VSTM2B: variants seen among roughly 807,000 people sequenced by gnomAD.
VSTM2B encodes V-set and transmembrane domain containing 2B, also known as V-set and transmembrane domain-containing protein 2B.
In VSTM2B, 24 loss-of-function variants were observed where a neutral mutation model predicts 24.0. The ratio of observed to expected loss-of-function variants is 1.00; its 90% CI spans 0.72 to 1.40. The LOEUF (loss-of-function observed/expected upper bound fraction) is 1.40, where lower values mean the gene tolerates loss of function less well. VSTM2B is among the 40% of genes most tolerant of loss of function. VSTM2B has a pLI of 0.00. For synonymous variants in VSTM2B, 226 were observed against 194.4 expected (o/e 1.16, Z -1.35); for missense variants, 399 against 416.4 (o/e 0.96, Z 0.36).
chr19:29,536,193 A>G (rs1261915380), intron 4 of VSTM2B, among the ~76,000 whole-genome samples: 1 of 152,190 alleles, frequency 6.6e-6, no homozygotes, highest in Admixed American at 6.5e-5. Flanking sequence ...GGAACCAGAG[A>G]TGGCAGTGTG....
At chr19:29,545,920 G>C (rs1209808099) in intron 4 of VSTM2B, among the ~76,000 whole-genome samples, 3 of 152,224 alleles carry the variant, frequency 2.0e-5, no homozygotes. Context: ...CCACGTTAGA[G>C]TGCTGGGCTA....
At chr19:29,556,696 T>C (rs769962899) in intron 4 of VSTM2B, among the ~76,000 whole-genome samples, 7 of 152,186 alleles carry the variant, frequency 4.6e-5, no homozygotes, top group East Asian at 1.9e-4. Context: ...TACAAAATCA[T>C]TGTGCAAAAA....
At chr19:29,528,552 G>A in intron 3 of VSTM2B, 90 bp downstream of exon 3, 1 of 1,475,986 alleles carries the variant, frequency 6.8e-7, no homozygotes, top group Non-Finnish European at 9.2e-7. Flanking sequence ...CGCGGCGGCC[G>A]CGCATGTGGG....
chr19:29,534,891 C>T (rs1476655924), intron 4 of VSTM2B, among the ~76,000 whole-genome samples: 4 of 152,186 alleles, frequency 2.6e-5, no homozygotes, highest in South Asian at 2.1e-4. Flanking sequence ...AAGTGAGCCA[C>T]TTTGGTAATG....
intron 2 of VSTM2B, among the ~76,000 whole-genome samples, chr19:29,527,776 C>A (rs752516615): frequency 6.6e-6 from 1 of 152,104 alleles, no homozygotes; most frequent in Non-Finnish European, 1.5e-5. Context: ...GACCCCAGGG[C>A]TCCCACGGCT....
chr19:29,526,951 AG>A lies in VSTM2B; in HGVS notation c.83-256del. On this transcript the variant is annotated intron_variant, in intron 1 of 4. Coordinates refer to ENST00000335523, the MANE Select transcript of VSTM2B (RefSeq NM_001146339.2). The surrounding 1 kb of genome is among the most constrained non-coding windows in gnomAD (Gnocchi z 4.1). ...CCAGCCAGGCTCTGGCGGTGCGGCC[AG>A]GGGCGGGGGAGAAGCACGAGTCGCC... is the stretch of plus-strand genomic sequence containing the variant. 1 of 391,066 alleles carries A rather than the reference AG, an allele frequency of 2.6e-6. No homozygotes were observed. Among genetic ancestry groups the A allele is most frequent in the East Asian group, 4.8e-5 (1 of 20,972 alleles). The allele number at this position is 391,066 out of a possible 1,614,324, so 24.2% of individuals were successfully genotyped here.
chr19:29,547,746 G>A (rs911884687), intron 4 of VSTM2B, among the ~76,000 whole-genome samples: 12 of 152,168 alleles, frequency 7.9e-5, no homozygotes, highest in African/African-American at 2.9e-4. Flanking sequence ...CTCTGTGTTT[G>A]GGTGCTCAGG....
At chr19:29,539,912 T>C (rs891661271) in intron 4 of VSTM2B, among the ~76,000 whole-genome samples, 2 of 152,234 alleles carry the variant, frequency 1.3e-5, no homozygotes, top group Admixed American at 6.5e-5. Context: ...TGCAGACTCC[T>C]GCTGGAGGCC....
At chr19:29,562,115 C>T (rs1019426048) in intron 4 of VSTM2B, among the ~76,000 whole-genome samples, 1 of 152,198 alleles carries the variant, frequency 6.6e-6, no homozygotes, top group Non-Finnish European at 1.5e-5. Context: ...ACTTTGCATT[C>T]GGATGTTTGA....
At chr19:29,544,458 G>A (rs1002152118) in intron 4 of VSTM2B, among the ~76,000 whole-genome samples, 5 of 147,236 alleles carry the variant, frequency 3.4e-5, no homozygotes, top group Admixed American at 2.1e-4. Flanking sequence ...CCCGGGAGGC[G>A]GAGCTTGCAG....
chr19:29,533,871 C>G (rs888101902), intron 4 of VSTM2B, among the ~76,000 whole-genome samples: 4 of 152,262 alleles, frequency 2.6e-5, no homozygotes, highest in African/African-American at 9.6e-5. Context: ...TGCTCGGAAC[C>G]ACAGCAGCCT....
chr19:29,553,972 A>C (rs543345412), intron 4 of VSTM2B, among the ~76,000 whole-genome samples: 21 of 152,224 alleles, frequency 1.4e-4, no homozygotes, highest in Non-Finnish European at 2.9e-4. Context: ...AGAGGTGGGG[A>C]GAACAGAACC....
rs939269411 is a variant in VSTM2B at position 29,526,970 on chromosome 19, G to A, written c.83-241G>A. The A allele has an allele frequency of 8.8e-6, 4 of 452,952 alleles. No homozygotes were observed. Among genetic ancestry groups the A allele is most frequent in the Non-Finnish European group, 1.2e-5 (3 of 260,208 alleles). The allele number at this position is 452,952 out of a possible 1,614,324, so 28.1% of individuals were successfully genotyped here. A position where few individuals can be genotyped will look rare whatever the true frequency, so the allele number is the denominator to read the frequency against. ...GCGGCCAGGGGCGGGGGAGAAGCACGAGTCGCCCCTGCCGCCCCGCCCCAT... is the reference window on the plus strand; with the variant it reads ...GCGGCCAGGGGCGGGGGAGAAGCACAAGTCGCCCCTGCCGCCCCGCCCCAT... On this transcript the variant is annotated intron_variant, in intron 1 of 4. Transcript: ENST00000335523. The surrounding 1 kb of genome is among the most constrained non-coding windows in gnomAD (Gnocchi z 4.1).
chr19:29,552,581 T>C (rs1161449373), intron 4 of VSTM2B, among the ~76,000 whole-genome samples: 6 of 152,192 alleles, frequency 3.9e-5, no homozygotes, highest in African/African-American at 1.2e-4. Flanking sequence ...TCAGGGGATC[T>C]CCCTCATGAG....
intron 4 of VSTM2B, among the ~76,000 whole-genome samples, chr19:29,541,367 G>A (rs1292768057): frequency 6.6e-6 from 1 of 152,168 alleles, no homozygotes; most frequent in Non-Finnish European, 1.5e-5. Context: ...ATGGGTTGAT[G>A]GATGTCTGAA....
At chr19:29,551,177 G>A (rs1295396536) in intron 4 of VSTM2B, among the ~76,000 whole-genome samples, 3 of 152,190 alleles carry the variant, frequency 2.0e-5, no homozygotes, top group Admixed American at 6.5e-5. Flanking sequence ...CCACAGCATA[G>A]AAACAGATAC....
chr19:29,533,855 C>A (rs185499172), intron 4 of VSTM2B, among the ~76,000 whole-genome samples: 217 of 152,368 alleles, frequency 1.4e-3, no homozygotes, highest in Middle Eastern at 6.8e-3. Context: ...AGCAAGCCAG[C>A]TGCTTTGCTC....
rs557741525 is a variant in VSTM2B at position 29,563,982 on chromosome 19, G to A, written c.*48G>A. On this transcript the variant is annotated 3_prime_UTR_variant, in exon 5 of 5. Coordinates refer to ENST00000335523, the MANE Select transcript of VSTM2B (RefSeq NM_001146339.2). ...CTCAGAGGCCGCACATGACCTGCCC[G>A]GGGCCCTCGGTGAGGACCATGTCGC... 1.5e-5 allele frequency: 23 copies of A among 1,488,026 alleles called. No individual in the cohort carries two copies. The highest frequency in any genetic ancestry group is 7.4e-5 in the East Asian group (3 of 40,624). The allele number at this position is 1,488,026 out of a possible 1,614,324, so 92.2% of individuals were successfully genotyped here.
intron 4 of VSTM2B, among the ~76,000 whole-genome samples, chr19:29,548,563 G>T (rs1054298703): frequency 6.6e-6 from 1 of 152,196 alleles, no homozygotes; most frequent in African/African-American, 2.4e-5. Context: ...ACATCAACAA[G>T]GGAGGCAGCC....
Sources: allele counts gnomAD v4.1 joint callset (sites outside exome capture counted in the v4.1 genomes callset), GRCh38; gene constraint gnomAD v4.1.1; non-coding constraint Gnocchi (gnomAD v3.1); transcripts MANE v1.5; gene names NCBI Gene and HGNC (gene_info 2026-07-23, HGNC 2026-07-21).